The following ARHGAP23 variants were observed in gnomAD, a reference collection of about 807,000 sequenced individuals.
The protein encoded by ARHGAP23 is rho GTPase-activating protein 23.
A neutral mutation model predicts 136.3 loss-of-function variants in ARHGAP23; 34 were observed. That is an observed-to-expected ratio of 0.25 (90% CI 0.19 to 0.33). The LOEUF is 0.33. Ranked by LOEUF, ARHGAP23 falls within the 10% of genes least tolerant of loss-of-function variation. ARHGAP23 has a pLI of 1.00. For missense variants in ARHGAP23, 1,808 were observed against 2,139.0 expected, an observed-to-expected ratio of 0.85 and a Z score of 3.05; for synonymous variants, 832 against 920.5, an observed-to-expected ratio of 0.90 and a Z score of 1.74.
chr17:38,492,725 G>C (rs2040304346), intron 20 of ARHGAP23, among the ~76,000 whole-genome samples: 1 of 152,228 alleles, frequency 6.6e-6, no homozygotes, highest in South Asian at 2.1e-4. Flanking sequence ...AGCCACAGGA[G>C]GGAAGATCAC....
intron 1 of ARHGAP23, among the ~76,000 whole-genome samples, chr17:38,442,825 T>A (rs2038948290): frequency 6.6e-6 from 1 of 152,132 alleles, no homozygotes; most frequent in Non-Finnish European, 1.5e-5. Flanking sequence ...CAGGGCCTGG[T>A]GGTCATAATA....
chr17:38,477,945 T>G lies in ARHGAP23; in HGVS notation c.2436+49T>G, dbSNP rs1222542248. The G allele has an allele frequency of 1.3e-6, 2 of 1,540,320 alleles. No homozygotes were observed. The highest frequency in any genetic ancestry group is 2.8e-5 in the African/African-American group (2 of 72,700). On this transcript the variant is annotated intron_variant, in intron 12 of 23. Transcript: ENST00000622683. This position sits in a 1 kb window ranked among gnomAD's most constrained non-coding sequence, Gnocchi z 6.6. ...GCCACAGAGGGCGGGCGGGGTGGCC[T>G]CTCACCGGCTGTGGACCTGGGATGC...
chr17:38,493,212 G>GT (rs58966916), intron 20 of ARHGAP23, among the ~76,000 whole-genome samples: 11,119 of 141,244 alleles, frequency 0.079, 540 homozygotes, highest in Non-Finnish European at 0.11. Flanking sequence ...TTGTTTTTTT[G>GT]TTTTTTTTTT....
intron 1 of ARHGAP23, among the ~76,000 whole-genome samples, chr17:38,422,211 T>C (rs1281002818): frequency 6.6e-6 from 1 of 152,222 alleles, no homozygotes; most frequent in Non-Finnish European, 1.5e-5. Flanking sequence ...CCTCTCTGTG[T>C]CTGTTTCCTC....
Position 38,462,875 on chromosome 17 carries a change from A to T in ARHGAP23, c.283A>T (p.Met95Leu), listed in dbSNP as rs570657209. Residue 95 changes from methionine to leucine, a missense_variant, in exon 4 of 24, where the codon ATG (methionine) becomes TTG (leucine). By Grantham distance (15) the Met-to-Leu change is conservative (BLOSUM62 2). Transcript: ENST00000622683. The stretch of plus-strand genomic sequence containing the variant: ...CTCCCCCCGGTACCGCCTGGAGCCC[A>T]TGGACACCATCTTTGTCAAGAATGT... ...GPSPRYRLEPMDTIFVKNVKE... is the reference protein window; with the variant it reads ...GPSPRYRLEPLDTIFVKNVKE... The T allele has an allele frequency of 3.9e-6, 6 of 1,531,754 alleles. No homozygotes were observed. The highest frequency in any genetic ancestry group is 5.3e-6 in the Non-Finnish European group (6 of 1,140,930). 94.9% of individuals were successfully genotyped at this position (1,531,754 alleles called of 1,614,324 possible).
intron 21 of ARHGAP23, 57 bp downstream of exon 21, chr17:38,497,883 C>T (rs1183814555): frequency 1.3e-6 from 2 of 1,524,030 alleles, no homozygotes; most frequent in Non-Finnish European, 1.8e-6. Context: ...GAGCCCCAGT[C>T]CTTGGGGGTG....
chr17:38,483,184 T>C (rs1246462895), intron 16 of ARHGAP23, among the ~76,000 whole-genome samples: 1 of 152,180 alleles, frequency 6.6e-6, no homozygotes, highest in African/African-American at 2.4e-5. Context: ...AAACCATACT[T>C]AGCTCAAGGG....
At chr17:38,460,268 T>C (rs1434440628) in intron 2 of ARHGAP23, among the ~76,000 whole-genome samples, 1 of 152,174 alleles carries the variant, frequency 6.6e-6, no homozygotes, top group Non-Finnish European at 1.5e-5. Context: ...CTCCACTCTC[T>C]CTCACAGAAG....
At chr17:38,432,553 C>G (rs1035698788) in intron 1 of ARHGAP23, among the ~76,000 whole-genome samples, 4 of 152,172 alleles carry the variant, frequency 2.6e-5, no homozygotes, top group African/African-American at 9.7e-5. Context: ...GTGACACACA[C>G]CTGTAGTCCC....
At chr17:38,498,970 G>A (rs762969394) in intron 22 of ARHGAP23, 25 of 698,726 alleles carry the variant, frequency 3.6e-5, no homozygotes, top group African/African-American at 1.2e-4. Context: ...GTGCGGTGTC[G>A]CGGCCTCGGT....
intron 1 of ARHGAP23, among the ~76,000 whole-genome samples, chr17:38,448,641 GTTT>G (rs11327949): frequency 1.0e-4 from 11 of 106,144 alleles, no homozygotes; most frequent in Non-Finnish European, 7.3e-5. Context: ...AACTTGGGGA[GTTT>G]TTTTTTTTTT....
rs115122411 is a variant in ARHGAP23, at chr17:38,483,040, G to A, written c.2907+362G>A. 6.9e-3 allele frequency among the ~76,000 whole-genome samples: 1,054 copies of A among 151,662 alleles called. 9 individuals carry two copies. The highest frequency in any genetic ancestry group is 0.024 in the African/African-American group (980 of 41,316). ...GAATGGCCTGCTCAATGGTGTAGAC[G>A]CGGAAAGTGTGCCAGGAGTCAACCA... On this transcript the variant is annotated intron_variant, in intron 16 of 23. Transcript: ENST00000622683.
At chr17:38,460,840 G>C (rs2039442915) in intron 2 of ARHGAP23, 65 bp from the exon 3 acceptor site, 1 of 1,535,868 alleles carries the variant, frequency 6.5e-7, no homozygotes, top group Non-Finnish European at 8.7e-7. Flanking sequence ...GCCCACTGGA[G>C]CTGGGCCACC....
At chr17:38,474,504 C>T (rs1447700617) in intron 11 of ARHGAP23, among the ~76,000 whole-genome samples, 1 of 152,110 alleles carries the variant, frequency 6.6e-6, no homozygotes, top group South Asian at 2.1e-4. Flanking sequence ...GGGACCCTCC[C>T]TGGGCCATGG....
chr17:38,443,539 CTGTT>C (rs1481857989), intron 1 of ARHGAP23, among the ~76,000 whole-genome samples: 2 of 152,184 alleles, frequency 1.3e-5, no homozygotes, highest in Admixed American at 1.3e-4. Context: ...CCAGGGGAGG[CTGTT>C]TGTCCCTGCA....
chr17:38,443,255 C>A (rs1049898240), intron 1 of ARHGAP23, among the ~76,000 whole-genome samples: 1 of 152,196 alleles, frequency 6.6e-6, no homozygotes, highest in Admixed American at 6.5e-5. Context: ...GCACCCAACC[C>A]GGTGGAGAGC....
At chr17:38,438,708 G>T (rs1338948455) in intron 1 of ARHGAP23, among the ~76,000 whole-genome samples, 2 of 152,192 alleles carry the variant, frequency 1.3e-5, no homozygotes, top group African/African-American at 2.4e-5. Flanking sequence ...TGTTGGCTGG[G>T]CGTGGTGGCT....
chr17:38,491,311 G>T (rs2040273757), intron 19 of ARHGAP23, 96 bp from the exon 20 acceptor site: 4 of 1,491,752 alleles, frequency 2.7e-6, no homozygotes, highest in Non-Finnish European at 9.1e-7. Flanking sequence ...GCTGGGGACT[G>T]GTGAGGATGT....
intron 1 of ARHGAP23, among the ~76,000 whole-genome samples, chr17:38,420,376 C>G (rs938040097): frequency 5.3e-5 from 8 of 152,182 alleles, no homozygotes; most frequent in African/African-American, 1.2e-4. Flanking sequence ...CTATTTGGGA[C>G]ACACCTTTCA....
Sources: gnomAD v4.1 joint callset for allele counts (sites outside exome capture counted in the v4.1 genomes callset) on GRCh38, gnomAD v4.1.1 for gene constraint, Gnocchi (gnomAD v3.1) non-coding constraint, MANE v1.5 for transcripts, NCBI Gene and HGNC (gene_info 2026-07-23, HGNC 2026-07-21) for gene names.